KCNIP4: variants seen among roughly 807,000 people sequenced by gnomAD.
The protein encoded by KCNIP4 is Kv channel-interacting protein 4.
Under a neutral mutation model 34.0 loss-of-function variants are expected in KCNIP4, and 12 were observed. The observed-to-expected ratio is 0.35, with a 90% CI of 0.23 to 0.57. KCNIP4 has a LOEUF of 0.57. Ranked by LOEUF, KCNIP4 falls within the 20% of genes least tolerant of loss-of-function variation. The pLI is 0.83. For synonymous variants in KCNIP4, 124 were observed against 102.2 expected (o/e 1.21, Z -1.29); for missense variants, 238 against 311.7 (o/e 0.76, Z 1.78).
chr4:21,807,212 G>A (rs28635318), intron 1 of KCNIP4, among the ~76,000 whole-genome samples: 57,330 of 152,038 alleles, frequency 0.38, 11,923 homozygotes, highest in East Asian at 0.65. Flanking sequence ...ATGAGGAGCA[G>A]CTGTAAATAC....
chr4:20,884,339 A>G (rs1412065323), intron 1 of KCNIP4, among the ~76,000 whole-genome samples: 1 of 152,102 alleles, frequency 6.6e-6, no homozygotes, highest in Non-Finnish European at 1.5e-5. Flanking sequence ...TAAGCTCCGC[A>G]TGTATGTGTA....
chr4:21,658,691 G>A (rs1406683591), intron 1 of KCNIP4, among the ~76,000 whole-genome samples: 2 of 152,108 alleles, frequency 1.3e-5, no homozygotes, highest in South Asian at 2.1e-4. Context: ...ATGAGCCACC[G>A]CGCCAGGCCC....
intron 1 of KCNIP4, among the ~76,000 whole-genome samples, chr4:21,369,674 C>G (rs1720134363): frequency 6.8e-6 from 1 of 147,206 alleles, no homozygotes. Flanking sequence ...AGTTGTAGCA[C>G]TTACTTACTA....
intron 1 of KCNIP4, among the ~76,000 whole-genome samples, chr4:21,900,226 A>G (rs1407193749): frequency 6.6e-6 from 1 of 152,202 alleles, no homozygotes; most frequent in African/African-American, 2.4e-5. Context: ...CACTAAGAGA[A>G]TTTGCAGATG....
At chr4:20,953,482 G>A (rs756517334) in intron 1 of KCNIP4, among the ~76,000 whole-genome samples, 1 of 152,032 alleles carries the variant, frequency 6.6e-6, no homozygotes, top group Non-Finnish European at 1.5e-5. Flanking sequence ...AGGAGTTTGA[G>A]ACTAGCCTGG....
intron 1 of KCNIP4, among the ~76,000 whole-genome samples, chr4:21,228,035 C>T (rs567662920): frequency 1.2e-4 from 18 of 152,188 alleles, no homozygotes; most frequent in Admixed American, 3.3e-4. Context: ...CACATTGCTG[C>T]GATTGCTTCT....
At chr4:21,891,240 C>T (rs1451770733) in intron 1 of KCNIP4, among the ~76,000 whole-genome samples, 2 of 152,052 alleles carry the variant, frequency 1.3e-5, no homozygotes, top group Non-Finnish European at 2.9e-5. Context: ...TCAGGGTATG[C>T]TTAAATTAAG....
In KCNIP4 at chr4:21,725,805, A is replaced by G. The variant is rs574493876; in HGVS notation, c.61+222766T>C. The stretch of plus-strand genomic sequence containing the variant: ...TCTTGGTGATTTCAAGTTACAAGAA[A>G]AGCACCTGGCACATAGCAGGTATAT... On this transcript the variant is annotated intron_variant, in intron 1 of 8. Transcript: ENST00000382152. Among the ~76,000 whole-genome samples, 19 of 152,238 alleles carry G rather than the reference A, an allele frequency of 1.2e-4. No homozygotes were observed. In the East Asian group the frequency reaches 3.7e-3, roughly 29 times the overall value.
At chr4:21,600,343 T>C (rs556302089) in intron 1 of KCNIP4, among the ~76,000 whole-genome samples, 3 of 152,232 alleles carry the variant, frequency 2.0e-5, no homozygotes, top group Non-Finnish European at 4.4e-5. Context: ...TTTAAATCTG[T>C]ATAGAACTAA....
In KCNIP4 at chr4:21,009,771, C is replaced by T. The variant is rs188856158; in HGVS notation, c.62-127062G>A. 7.2e-5 allele frequency among the ~76,000 whole-genome samples: 11 copies of T among 152,268 alleles called. No individual in the cohort carries two copies. In the East Asian group the frequency reaches 1.2e-3, roughly 16 times the overall value. ...CTTCTCTGCTGCTGGAATGGGCTGC[C>T]GCCTCTGAGCTGCTTCAGGCACGCA... On this transcript the variant is annotated intron_variant, in intron 1 of 8. Transcript: ENST00000382152.
chr4:21,791,408 T>C (rs1287621902), intron 1 of KCNIP4, among the ~76,000 whole-genome samples: 1 of 152,120 alleles, frequency 6.6e-6, no homozygotes, highest in African/African-American at 2.4e-5. Flanking sequence ...AGAGGGGACA[T>C]TCATTCTATA....
intron 2 of KCNIP4, among the ~76,000 whole-genome samples, chr4:20,879,366 T>A (rs560408573): frequency 2.0e-5 from 3 of 152,178 alleles, no homozygotes; most frequent in Non-Finnish European, 4.4e-5. Context: ...ATGGCATAGA[T>A]CTGTCACCTC....
chr4:21,713,240 C>T (rs1298597779), intron 1 of KCNIP4, among the ~76,000 whole-genome samples: 1 of 152,124 alleles, frequency 6.6e-6, no homozygotes, highest in Non-Finnish European at 1.5e-5. Context: ...GATATGTCAT[C>T]AATGGGAGTT....
At chr4:21,629,151 C>T (rs1198831972) in intron 1 of KCNIP4, among the ~76,000 whole-genome samples, 1 of 151,956 alleles carries the variant, frequency 6.6e-6, no homozygotes. Flanking sequence ...CAAAGCAATG[C>T]AAAAGAAAAG....
chr4:21,158,571 AT>A (rs1753333535), intron 1 of KCNIP4, among the ~76,000 whole-genome samples: 2 of 152,198 alleles, frequency 1.3e-5, no homozygotes, highest in Non-Finnish European at 2.9e-5. Context: ...CTGAAAAAGA[AT>A]TTGACAAAAC....
At chr4:21,081,248 A>G (rs1420566191) in intron 1 of KCNIP4, among the ~76,000 whole-genome samples, 2 of 151,892 alleles carry the variant, frequency 1.3e-5, no homozygotes, top group African/African-American at 2.4e-5. Flanking sequence ...GCTTCTGATG[A>G]CAAGGCCTAG....
intron 1 of KCNIP4, among the ~76,000 whole-genome samples, chr4:21,777,645 C>T (rs564745248): frequency 6.6e-6 from 1 of 152,288 alleles, no homozygotes; most frequent in South Asian, 2.1e-4. Flanking sequence ...CAATCTTACA[C>T]TCATCAAAAC....
intron 1 of KCNIP4, among the ~76,000 whole-genome samples, chr4:21,718,317 A>G (rs1427638404): frequency 1.3e-5 from 2 of 152,216 alleles, no homozygotes; most frequent in Admixed American, 6.5e-5. Context: ...CTAAATATTT[A>G]TTAGCCAATT....
intron 1 of KCNIP4, among the ~76,000 whole-genome samples, chr4:21,029,416 G>C (rs528772085): frequency 2.8e-4 from 42 of 152,222 alleles, no homozygotes; most frequent in Non-Finnish European, 5.6e-4. Flanking sequence ...TAACAGTGCA[G>C]TAATTGTTAG....
Sources: allele counts gnomAD v4.1 joint callset (sites outside exome capture counted in the v4.1 genomes callset), GRCh38; gene constraint gnomAD v4.1.1; transcripts MANE v1.5; gene names NCBI Gene and HGNC (gene_info 2026-07-23, HGNC 2026-07-21).